The following SEMA3A variants were observed in gnomAD, a reference collection of about 807,000 sequenced individuals.
The protein encoded by SEMA3A is semaphorin 3A.
SEMA3A carries 29 observed loss-of-function variants against 97.9 expected under a neutral mutation model. The ratio of observed to expected loss-of-function variants is 0.30; its 90% confidence interval spans 0.22 to 0.40. The LOEUF (loss-of-function observed/expected upper bound fraction) is 0.40. Among genes scored for constraint, SEMA3A ranks in the 10% least tolerant of loss-of-function variants. The pLI, the probability that SEMA3A is intolerant of heterozygous loss-of-function variation, is 1.00. For synonymous variants in SEMA3A, 321 were observed against 323.7 expected, an observed-to-expected ratio of 0.99 and a Z score of 0.09; for missense variants, 763 against 951.3, an observed-to-expected ratio of 0.80 and a Z score of 2.60.
chr7:84,241,733 T>C (rs1164669850), intron 3 of SEMA3A, among the ~76,000 whole-genome samples: 6 of 152,152 alleles, frequency 3.9e-5, no homozygotes, highest in Non-Finnish European at 7.4e-5. Context: ...ATTGCCTAGG[T>C]TTTCTTCTAG....
chr7:84,354,630 T>C (rs755454723), intron 2 of SEMA3A, among the ~76,000 whole-genome samples: 1 of 151,550 alleles, frequency 6.6e-6, no homozygotes, highest in Non-Finnish European at 1.5e-5. Flanking sequence ...GAGAAAAAAA[T>C]AGCACTGCAG....
chr7:84,224,848 A>T (rs1246556206), intron 3 of SEMA3A, among the ~76,000 whole-genome samples: 1 of 151,956 alleles, frequency 6.6e-6, no homozygotes, highest in African/African-American at 2.4e-5. Flanking sequence ...TAACTGATTC[A>T]TTGGTTTTTC....
At chr7:84,000,753 T>C (rs1451966097) in intron 12 of SEMA3A, among the ~76,000 whole-genome samples, 1 of 152,216 alleles carries the variant, frequency 6.6e-6, no homozygotes, top group Non-Finnish European at 1.5e-5. Flanking sequence ...ACCAGTTGTA[T>C]GTTTCAATGT....
intron 3 of SEMA3A, among the ~76,000 whole-genome samples, chr7:84,292,905 T>G (rs1034194418): frequency 1.3e-5 from 2 of 152,102 alleles, no homozygotes; most frequent in African/African-American, 4.8e-5. Flanking sequence ...CTGAAAGTTT[T>G]TCATGTTGAC....
intron 16 of SEMA3A, among the ~76,000 whole-genome samples, chr7:83,962,621 G>A (rs1012597480): frequency 2.0e-5 from 3 of 152,008 alleles, no homozygotes; most frequent in Admixed American, 6.6e-5. Flanking sequence ...TTAAAGGCTC[G>A]TAGTGCTCAC....
At chr7:84,485,283 T>G (rs1425349972) in intron 1 of SEMA3A, among the ~76,000 whole-genome samples, 1 of 152,072 alleles carries the variant, frequency 6.6e-6, no homozygotes, top group Non-Finnish European at 1.5e-5. Flanking sequence ...TATACTTCCA[T>G]CATTATTTAA....
intron 3 of SEMA3A, among the ~76,000 whole-genome samples, chr7:84,128,081 T>C (rs1396423805): frequency 6.6e-6 from 1 of 152,174 alleles, no homozygotes; most frequent in Non-Finnish European, 1.5e-5. Context: ...AGTCACCCAC[T>C]TAATTTTCCT....
At chr7:83,991,466 T>A (rs1222242291) in intron 12 of SEMA3A, among the ~76,000 whole-genome samples, 2 of 150,620 alleles carry the variant, frequency 1.3e-5, no homozygotes. Flanking sequence ...ATGTCATAGA[T>A]AGCTCTTATT....
At chr7:84,012,897 G>C (rs960107268) in intron 7 of SEMA3A, among the ~76,000 whole-genome samples, 9 of 152,010 alleles carry the variant, frequency 5.9e-5, no homozygotes, top group Non-Finnish European at 1.0e-4. Flanking sequence ...AAACACCTTA[G>C]AGATTTTTTT....
chr7:84,207,538 G>A (rs1214277590), intron 3 of SEMA3A, among the ~76,000 whole-genome samples: 2 of 152,156 alleles, frequency 1.3e-5, no homozygotes, highest in East Asian at 1.9e-4. Context: ...AAGAAACTCT[G>A]TTTAACTGAA....
chr7:84,095,878 A>C (rs1011233181), intron 4 of SEMA3A, among the ~76,000 whole-genome samples: 83 of 149,266 alleles, frequency 5.6e-4, no homozygotes, highest in African/African-American at 1.8e-3. Context: ...ACAATATTCA[A>C]ATTTTGTCTA....
chr7:84,104,240 T>G (rs1225550386), intron 4 of SEMA3A, among the ~76,000 whole-genome samples: 1 of 152,058 alleles, frequency 6.6e-6, no homozygotes, highest in African/African-American at 2.4e-5. Context: ...GATAATATAT[T>G]ATTTTAATAG....
intron 5 of SEMA3A, among the ~76,000 whole-genome samples, chr7:84,059,544 AT>A (rs1793132883): frequency 6.6e-6 from 1 of 151,992 alleles, no homozygotes; most frequent in African/African-American, 2.4e-5. Flanking sequence ...CCTAAATTTA[AT>A]TTTTTAATCA....
At chr7:84,068,932 A>T (rs994633957) in intron 4 of SEMA3A, among the ~76,000 whole-genome samples, 9 of 152,152 alleles carry the variant, frequency 5.9e-5, no homozygotes, top group African/African-American at 2.2e-4. Context: ...CCCCGTAAAT[A>T]AATACTAAGT....
chr7:84,197,390 A>G (rs916083366), upstream of SEMA3A, among the ~76,000 whole-genome samples: 1 of 152,188 alleles, frequency 6.6e-6, no homozygotes, highest in South Asian at 2.1e-4. Context: ...TAGACTGATT[A>G]AATTATAAAA....
Position 84,277,387 on chromosome 7 carries a change from C to G in SEMA3A, c.-83+29820G>C, listed in dbSNP as rs147905996. ...GAATACAAATACTTCCTAGTTCTGT[C>G]CACCTAAAGGGCCCGTGAATAGCAA... On this transcript the variant is annotated intron_variant, in intron 3 of 3. Coordinates refer to the SEMA3A transcript ENST00000424555. Among the ~76,000 whole-genome samples, 689 of 152,062 alleles carry G rather than the reference C, an allele frequency of 4.5e-3. 1 individual carries two copies. Among genetic ancestry groups the G allele is most frequent in the Non-Finnish European group, 6.6e-3 (450 of 67,970 alleles).
At chr7:84,381,081 T>C (rs1247917746) in intron 1 of SEMA3A, among the ~76,000 whole-genome samples, 1 of 152,222 alleles carries the variant, frequency 6.6e-6, no homozygotes, top group Non-Finnish European at 1.5e-5. Context: ...TACCAGATCC[T>C]ACATATAGGA....
At chr7:84,293,883 T>C (rs1442502830) in intron 3 of SEMA3A, among the ~76,000 whole-genome samples, 1 of 152,050 alleles carries the variant, frequency 6.6e-6, no homozygotes, top group Non-Finnish European at 1.5e-5. Flanking sequence ...TGAAAAGATG[T>C]ATACTTATAT....
intron 3 of SEMA3A, among the ~76,000 whole-genome samples, chr7:84,233,392 A>T (rs145351050): frequency 6.6e-6 from 1 of 152,004 alleles, no homozygotes; most frequent in Admixed American, 6.6e-5. Context: ...AAAAAGAAGC[A>T]AGGTAAATAG....
Sources: gnomAD v4.1 joint callset for allele counts (sites outside exome capture counted in the v4.1 genomes callset) on GRCh38, gnomAD v4.1.1 for gene constraint, MANE v1.5 for transcripts, NCBI Gene and HGNC (gene_info 2026-07-23, HGNC 2026-07-21) for gene names.